DACH1: variants seen among roughly 807,000 people sequenced by gnomAD.
The protein encoded by DACH1 is dachshund family transcription factor 1, also known as dachshund homolog 1.
DACH1 carries 12 observed loss-of-function variants against 54.2 expected under a neutral mutation model. The ratio of observed to expected loss-of-function variants is 0.22; its 90% CI spans 0.14 to 0.36. DACH1 has a LOEUF of 0.36. Ranked by LOEUF, DACH1 falls within the 10% of genes least tolerant of loss-of-function variation. DACH1 has a pLI of 1.00. For synonymous variants in DACH1, 386 were observed against 366.2 expected, an observed-to-expected ratio of 1.05 and a Z score of -0.62; for missense variants, 805 against 929.8, an observed-to-expected ratio of 0.87 and a Z score of 1.75.
rs182457010 is a variant in DACH1, at chr13:71,625,361, C to T, written c.1126+5195G>A. On this transcript the variant is annotated intron_variant, in intron 3 of 10. Transcript: ENST00000613252. ...TTTCTCAAGGTCTCCAAGAGTTTTTCCTGAAATCATAAAATTAATCTTTTC... is the reference window on the plus strand; with the variant it reads ...TTTCTCAAGGTCTCCAAGAGTTTTTTCTGAAATCATAAAATTAATCTTTTC... Among the ~76,000 whole-genome samples the T allele has an allele frequency of 7.0e-4, 106 of 151,996 alleles. No individual in the cohort carries two copies. In the Middle Eastern group the frequency reaches 0.014, roughly 20 times the overall value.
intron 2 of DACH1, among the ~76,000 whole-genome samples, chr13:71,646,685 C>A (rs1413651298): frequency 6.6e-6 from 1 of 152,110 alleles, no homozygotes; most frequent in African/African-American, 2.4e-5. Context: ...TTCTTATATA[C>A]CATTTAGTGG....
chr13:71,669,607 C>A (rs923685789), intron 2 of DACH1, among the ~76,000 whole-genome samples: 6 of 152,256 alleles, frequency 3.9e-5, no homozygotes, highest in African/African-American at 1.2e-4. Context: ...TTCCACAAAA[C>A]CAGTCCCTGG....
chr13:71,745,292 A>G (rs1884558186), intron 1 of DACH1, among the ~76,000 whole-genome samples: 1 of 152,314 alleles, frequency 6.6e-6, no homozygotes, highest in African/African-American at 2.4e-5. Context: ...AACATATGTA[A>G]TAGGCACACA....
At chr13:71,536,893 A>G (rs540663102) in intron 6 of DACH1, among the ~76,000 whole-genome samples, 1 of 152,128 alleles carries the variant, frequency 6.6e-6, no homozygotes, top group African/African-American at 2.4e-5. Context: ...AGTCACCATC[A>G]TTTCTCACCT....
intron 2 of DACH1, among the ~76,000 whole-genome samples, chr13:71,634,578 C>T (rs770778564): frequency 3.9e-5 from 6 of 152,250 alleles, no homozygotes; most frequent in South Asian, 2.1e-4. Flanking sequence ...AAATATTATG[C>T]GCTCAGAGCT....
intron 1 of DACH1, among the ~76,000 whole-genome samples, chr13:71,793,560 G>A (rs1228706502): frequency 2.0e-5 from 3 of 152,120 alleles, no homozygotes; most frequent in Admixed American, 1.3e-4. Flanking sequence ...TTTGGAAACA[G>A]GGTTTTGCTC....
chr13:71,731,294 T>C, intron 1 of DACH1, among the ~76,000 whole-genome samples: 1 of 149,090 alleles, frequency 6.7e-6, no homozygotes, highest in Non-Finnish European at 1.5e-5. Flanking sequence ...GATCTTCTTT[T>C]TTTTTTTTTT....
chr13:71,601,639 T>G (rs1231620670), intron 3 of DACH1, among the ~76,000 whole-genome samples: 1 of 152,014 alleles, frequency 6.6e-6, no homozygotes, highest in Non-Finnish European at 1.5e-5. Context: ...AAACTTATAC[T>G]TTGTTTTAAA....
intron 2 of DACH1, among the ~76,000 whole-genome samples, chr13:71,654,494 T>TA (rs1878954159): frequency 1.4e-5 from 2 of 143,500 alleles, no homozygotes; most frequent in African/African-American, 5.2e-5. Flanking sequence ...TAAAATAAAA[T>TA]AAAATAAAAT....
At chr13:71,563,582 A>T (rs1380746150) in intron 4 of DACH1, among the ~76,000 whole-genome samples, 3 of 151,948 alleles carry the variant, frequency 2.0e-5, no homozygotes, top group Non-Finnish European at 4.4e-5. Context: ...GTTGTCTGTG[A>T]TCATCCCTTT....
At chr13:71,832,378 AAAGT>A (rs1888625973) in intron 1 of DACH1, among the ~76,000 whole-genome samples, 1 of 151,968 alleles carries the variant, frequency 6.6e-6, no homozygotes, top group Admixed American at 6.6e-5. Flanking sequence ...GATATTGTCA[AAAGT>A]AAGTATTAGC....
chr13:71,864,766 C>A (rs1421623940), intron 1 of DACH1, among the ~76,000 whole-genome samples: 1 of 149,084 alleles, frequency 6.7e-6, no homozygotes, highest in African/African-American at 2.5e-5. Context: ...TTGGTAGATC[C>A]TCCCCCACTG....
At chr13:71,616,838 T>C (rs538820375) in intron 3 of DACH1, among the ~76,000 whole-genome samples, 216 of 151,828 alleles carry the variant, frequency 1.4e-3, no homozygotes, top group African/African-American at 5.0e-3. Flanking sequence ...GAGAGAATTA[T>C]GACATTTAAA....
At chr13:71,656,752 TGGGAAAGAAGA>T in intron 2 of DACH1, among the ~76,000 whole-genome samples, 1 of 150,422 alleles carries the variant, frequency 6.6e-6, no homozygotes, top group African/African-American at 2.4e-5. Context: ...ATCTGTACCA[TGGGAAAGAAGA>T]TGAGTTTTCA....
chr13:71,847,744 C>T (rs1021855279), intron 1 of DACH1, among the ~76,000 whole-genome samples: 1 of 152,058 alleles, frequency 6.6e-6, no homozygotes, highest in Non-Finnish European at 1.5e-5. Flanking sequence ...CTGATTTTAA[C>T]AACTTACTAA....
At chr13:71,531,137 T>C (rs1566319957) in intron 6 of DACH1, among the ~76,000 whole-genome samples, 1 of 152,164 alleles carries the variant, frequency 6.6e-6, no homozygotes, top group Non-Finnish European at 1.5e-5. Context: ...ATTCTGTCAA[T>C]ATGAACATTT....
At chr13:71,700,651 T>A (rs1163060067) in intron 1 of DACH1, among the ~76,000 whole-genome samples, 1 of 150,794 alleles carries the variant, frequency 6.6e-6, no homozygotes, top group Middle Eastern at 3.2e-3. Context: ...ATAGTTACAT[T>A]TAAGGACTTG....
chr13:71,747,482 G>A (rs1182282601), intron 1 of DACH1, among the ~76,000 whole-genome samples: 1 of 152,140 alleles, frequency 6.6e-6, no homozygotes, highest in Admixed American at 6.5e-5. Flanking sequence ...TAGGAAGGCT[G>A]AGGCAGGAAA....
At chr13:71,865,842 G>A in intron 1 of DACH1, 80 bp downstream of exon 1, 1 of 1,363,312 alleles carries the variant, frequency 7.3e-7, no homozygotes, top group Non-Finnish European at 9.4e-7. Context: ...AGAGCGAGCG[G>A]CGCCGGGAAA....
Sources: gnomAD v4.1 joint callset for allele counts (sites outside exome capture counted in the v4.1 genomes callset) on GRCh38, gnomAD v4.1.1 for gene constraint, MANE v1.5 for transcripts, NCBI Gene and HGNC (gene_info 2026-07-23, HGNC 2026-07-21) for gene names.